TTC29: variants seen among roughly 807,000 people sequenced by gnomAD.
TTC29 encodes the protein tetratricopeptide repeat protein 29.
Under a neutral mutation model 58.1 loss-of-function variants are expected in TTC29, and 49 were observed. The observed-to-expected ratio is 0.84, with a 90% CI of 0.67 to 1.07. The LOEUF is 1.07. Ranked by LOEUF, TTC29 falls within the 50% of genes least tolerant of loss-of-function variation. TTC29 has a pLI of 0.00. For missense variants in TTC29, 582 were observed against 555.6 expected, an observed-to-expected ratio of 1.05 and a Z score of -0.48; for synonymous variants, 209 against 196.8, an observed-to-expected ratio of 1.06 and a Z score of -0.52.
chr4:146,874,374 T>C (rs1731119663), intron 7 of TTC29, among the ~76,000 whole-genome samples: 1 of 152,170 alleles, frequency 6.6e-6, no homozygotes, highest in East Asian at 1.9e-4. Flanking sequence ...TCTCTAAGAC[T>C]GCAAGGAATA....
intron 11 of TTC29, among the ~76,000 whole-genome samples, chr4:146,728,860 C>CATATATATGTATATACATACGT (rs1554006144): frequency 1.6e-5 from 1 of 62,026 alleles, no homozygotes; most frequent in Admixed American, 2.1e-4. Flanking sequence ...TATATATACA[C>CATATATATGTATATACATACGT]ATATATATGT....
At chr4:146,819,107 A>G (rs1307600558) in intron 10 of TTC29, among the ~76,000 whole-genome samples, 1 of 151,330 alleles carries the variant, frequency 6.6e-6, no homozygotes, top group African/African-American at 2.4e-5. Context: ...AAGTATAACA[A>G]TAATAAAAAT....
chr4:146,920,814 G>A (rs1434757713), intron 4 of TTC29, among the ~76,000 whole-genome samples: 2 of 150,940 alleles, frequency 1.3e-5, no homozygotes, highest in Admixed American at 6.6e-5. Context: ...TGTCTTGGGT[G>A]AGAAATTATA....
chr4:146,941,684 G>A (rs1432125290), intron 2 of TTC29, among the ~76,000 whole-genome samples: 4 of 152,132 alleles, frequency 2.6e-5, no homozygotes, highest in East Asian at 3.9e-4. Flanking sequence ...TGTCTTGATG[G>A]TTACTCTAAA....
rs956243298 is a variant in TTC29 at position 146,857,339 on chromosome 4, T to C, written c.885+10159A>G. 3.4e-5 allele frequency among the ~76,000 whole-genome samples: 5 copies of C among 148,106 alleles called. No individual in the cohort carries two copies. In the Middle Eastern group the frequency reaches 0.011, roughly 313 times the overall value. On this transcript the variant is annotated intron_variant, in intron 8 of 12. Coordinates refer to ENST00000325106, the MANE Select transcript of TTC29 (RefSeq NM_031956.4). ...TAGAAAGAGGTCTGAGCCACAACAGTTGGGGGAAATGGGATCTGTAACAGC... is the reference window on the plus strand; with the variant it reads ...TAGAAAGAGGTCTGAGCCACAACAGCTGGGGGAAATGGGATCTGTAACAGC...
chr4:146,754,482 A>G (rs528259149), intron 11 of TTC29, among the ~76,000 whole-genome samples: 80 of 152,318 alleles, frequency 5.3e-4, no homozygotes, highest in African/African-American at 1.8e-3. Flanking sequence ...AGAAAGCTAC[A>G]GGCCAATTTT....
At chr4:146,917,876 C>T (rs941155709) in intron 4 of TTC29, among the ~76,000 whole-genome samples, 55 of 149,806 alleles carry the variant, frequency 3.7e-4, no homozygotes, top group Non-Finnish European at 7.3e-4. Flanking sequence ...ATGATTTCAT[C>T]TTTTATTATA....
At chr4:146,728,836 C>CACATATATATGTGTATATAT (rs1744070057) in intron 11 of TTC29, among the ~76,000 whole-genome samples, 18 of 98,748 alleles carry the variant, frequency 1.8e-4, no homozygotes, top group Non-Finnish European at 2.6e-4. Context: ...CATATATATA[C>CACATATATATGTGTATATAT]ACATATATAT....
At chr4:146,794,096 T>G (rs1337867395) in intron 11 of TTC29, among the ~76,000 whole-genome samples, 2 of 152,132 alleles carry the variant, frequency 1.3e-5, no homozygotes, top group Non-Finnish European at 2.9e-5. Flanking sequence ...TTCCTGCCAA[T>G]CAAATTACTA....
intron 5 of TTC29, among the ~76,000 whole-genome samples, chr4:146,907,778 G>T (rs1472548351): frequency 6.6e-6 from 1 of 152,152 alleles, no homozygotes; most frequent in Non-Finnish European, 1.5e-5. Flanking sequence ...AGAATTACAG[G>T]CATGAGCCAC....
intron 11 of TTC29, among the ~76,000 whole-genome samples, chr4:146,770,084 A>G (rs1286435771): frequency 1.3e-5 from 2 of 152,002 alleles, no homozygotes; most frequent in African/African-American, 2.4e-5. Context: ...GGTTCTCAAC[A>G]CTAGTTGTTC....
intron 4 of TTC29, among the ~76,000 whole-genome samples, chr4:146,926,472 G>GT (rs1458741868): frequency 6.6e-6 from 1 of 150,560 alleles, no homozygotes; most frequent in Non-Finnish European, 1.5e-5. Flanking sequence ...GTTTTTTTTT[G>GT]TTTTTTGTTT....
chr4:146,740,494 A>G (rs1745044890), intron 11 of TTC29, among the ~76,000 whole-genome samples: 2 of 152,140 alleles, frequency 1.3e-5, no homozygotes, highest in Admixed American at 1.3e-4. Flanking sequence ...CAGGTTAGTT[A>G]CATATGTATA....
At chr4:146,776,834 G>A (rs1748136764) in intron 11 of TTC29, among the ~76,000 whole-genome samples, 1 of 152,354 alleles carries the variant, frequency 6.6e-6, no homozygotes, top group East Asian at 1.9e-4. Flanking sequence ...TGGCAGTGGG[G>A]CACAGGCCGG....
intron 11 of TTC29, among the ~76,000 whole-genome samples, chr4:146,770,109 G>C (rs1747617621): frequency 6.6e-6 from 1 of 151,740 alleles, no homozygotes; most frequent in Non-Finnish European, 1.5e-5. Context: ...GGCTCACTTG[G>C]GGAACTTTAG....
intron 11 of TTC29, among the ~76,000 whole-genome samples, chr4:146,765,339 C>T (rs1171692214): frequency 6.6e-6 from 1 of 152,050 alleles, no homozygotes; most frequent in Non-Finnish European, 1.5e-5. Context: ...TTTAAATGCT[C>T]GGTCATTTCT....
intron 4 of TTC29, among the ~76,000 whole-genome samples, chr4:146,923,343 A>C (rs1734719715): frequency 6.6e-6 from 1 of 151,666 alleles, no homozygotes; most frequent in South Asian, 2.1e-4. Flanking sequence ...GTGCACACTA[A>C]CACACAGAGA....
In TTC29 at chr4:146,909,045, A is replaced by G; in HGVS notation, c.381T>C (p.Ala127=). The change falls in exon 5 of 13, where the codon GCT becomes GCC. Residue 127 remains alanine, a synonymous_variant. Transcript: ENST00000325106. ...LDYLYHYLTR[A]EDAERKESFE... is the part of the protein sequence containing the mutation. ...ACTTACCTTTCCTCTCAGCGTCCTC[A>G]GCCCTGGTCAGGTAATGGTACAGGT... The G allele has an allele frequency of 6.2e-7, 1 of 1,613,834 alleles. No homozygotes were observed. The highest frequency in any genetic ancestry group is 8.5e-7 in the Non-Finnish European group (1 of 1,179,804).
chr4:146,721,493 C>T (rs1743348313), intron 11 of TTC29, among the ~76,000 whole-genome samples: 1 of 152,074 alleles, frequency 6.6e-6, no homozygotes, highest in Admixed American at 6.6e-5. Context: ...ATCTGTAGCA[C>T]CTTGCATGAT....
Sources: allele counts gnomAD v4.1 joint callset (sites outside exome capture counted in the v4.1 genomes callset), GRCh38; gene constraint gnomAD v4.1.1; transcripts MANE v1.5; gene names NCBI Gene and HGNC (gene_info 2026-07-23, HGNC 2026-07-21).